PTBP3: variants seen among roughly 807,000 people sequenced by gnomAD.
PTBP3 encodes the protein polypyrimidine tract-binding protein 3.
Under a neutral mutation model 58.7 loss-of-function variants are expected in PTBP3, and 20 were observed. The observed-to-expected ratio is 0.34, with a 90% CI of 0.24 to 0.50. The LOEUF is 0.50. Ranked by LOEUF, PTBP3 falls within the 20% of genes least tolerant of loss-of-function variation. The probability of loss-of-function intolerance (pLI) is 0.98; values close to 1 mark genes in which losing one functional copy is unlikely to be tolerated. For synonymous variants in PTBP3, 185 were observed against 219.8 expected, an observed-to-expected ratio of 0.84 and a Z score of 1.40; for missense variants, 509 against 637.2, an observed-to-expected ratio of 0.80 and a Z score of 2.17.
chr9:112,319,149 G>GA (rs1829822770), intron 1 of PTBP3, among the ~76,000 whole-genome samples: 1 of 132,668 alleles, frequency 7.5e-6, no homozygotes, highest in Admixed American at 7.5e-5. Context: ...AAAAAAGAAA[G>GA]AAAATTTCAT....
At chr9:112,316,673 C>T (rs1051147942) in intron 1 of PTBP3, among the ~76,000 whole-genome samples, 1 of 152,228 alleles carries the variant, frequency 6.6e-6, no homozygotes, top group African/African-American at 2.4e-5. Flanking sequence ...GGCACAGTGG[C>T]TCACGCCTGT....
chr9:112,297,982 A>C, intron 1 of PTBP3, 66 bp from the exon 2 acceptor site: 1 of 1,279,746 alleles, frequency 7.8e-7, no homozygotes, highest in Non-Finnish European at 1.1e-6. Context: ...ATTTACTAAA[A>C]GTATTAAAAG....
intron 8 of PTBP3, among the ~76,000 whole-genome samples, chr9:112,234,444 G>T (rs1835366366): frequency 6.6e-6 from 1 of 152,176 alleles, no homozygotes; most frequent in Non-Finnish European, 1.5e-5. Flanking sequence ...AAGGCCCAAA[G>T]ATAAGACAGG....
rs148174994 is a variant in PTBP3 at position 112,285,028 on chromosome 9, A to G, written c.35-9015T>C. On this transcript the variant is annotated intron_variant, in intron 2 of 13. Transcript: ENST00000374257. ...TGATTGGTTTTGAAATGGAAAAAGG[A>G]TGTGAAATTTGGGAGGGGCCGGGGC... Among the ~76,000 whole-genome samples the G allele has an allele frequency of 3.1e-5, 3 of 95,440 alleles. No homozygotes were observed. The East Asian group carries it at 8.2e-4, about 26-fold the overall frequency. The allele number at this position is 95,440 out of a possible 152,430, so 62.6% of individuals were successfully genotyped here.
At chr9:112,249,208 G>C (rs1233581951) in intron 7 of PTBP3, among the ~76,000 whole-genome samples, 1 of 152,094 alleles carries the variant, frequency 6.6e-6, no homozygotes, top group Non-Finnish European at 1.5e-5. Context: ...GGGGGAAGGA[G>C]AGTGAACAAA....
rs1411646280 is a variant in PTBP3 at position 112,320,291 on chromosome 9, A to AAAAAAAATATATATATAT, written c.-52+13178_-52+13179insATATATATATATTTTTTT. Among the ~76,000 whole-genome samples the AAAAAAAATATATATATAT allele has an allele frequency of 4.6e-4, 34 of 73,524 alleles. 1 individual carries two copies. The highest frequency in any genetic ancestry group is 6.3e-4 in the African/African-American group (7 of 11,056). The allele number at this position is 73,524 out of a possible 152,430, so 48.2% of individuals were successfully genotyped here. A position where few individuals can be genotyped will look rare whatever the true frequency, so the allele number is the denominator to read the frequency against. ...AGACCCTTTCTCTTAAAAAAAAAAA[A>AAAAAAAATATATATATAT]ATATATATATATATATATATATATT... On this transcript the variant is annotated intron_variant, in intron 1 of 13. Transcript: ENST00000374257.
At chr9:112,248,405 T>TA (rs1463357297) in intron 7 of PTBP3, among the ~76,000 whole-genome samples, 1 of 151,976 alleles carries the variant, frequency 6.6e-6, no homozygotes, top group African/African-American at 2.4e-5. Context: ...GGGCGAGAGG[T>TA]AAAAGACTAC....
chr9:112,370,709 G>A, the PTBP3 span, among the ~76,000 whole-genome samples: 3 of 152,138 alleles, frequency 2.0e-5, no homozygotes, highest in Non-Finnish European at 2.9e-5. Flanking sequence ...TGAATTTGTA[G>A]ATTGCTTTGA....
intron 1 of PTBP3, among the ~76,000 whole-genome samples, chr9:112,312,280 C>T (rs1014553734): frequency 2.6e-5 from 4 of 151,862 alleles, no homozygotes; most frequent in African/African-American, 4.8e-5. Context: ...GCCACGAGTT[C>T]GAGACCAGGC....
rs986234811 is a variant in PTBP3 at position 112,278,015 on chromosome 9, A to G, written c.35-2002T>C. On this transcript the variant is annotated intron_variant, in intron 2 of 13. Transcript: ENST00000374257. ...TGTCATTATTCTGCTCCAAAAACCT[A>G]AACAGGCACCAAATACCTAAACAGG... Among the ~76,000 whole-genome samples, 7 of 152,132 alleles carry G rather than the reference A, an allele frequency of 4.6e-5. 1 individual carries two copies. The East Asian group carries it at 1.4e-3, about 29-fold the overall frequency.
intron 2 of PTBP3, among the ~76,000 whole-genome samples, chr9:112,284,775 C>T (rs1007619427): frequency 6.6e-6 from 1 of 152,128 alleles, no homozygotes; most frequent in Non-Finnish European, 1.5e-5. Flanking sequence ...GATTTTGAAC[C>T]TGCTTAGGAG....
intron 1 of PTBP3, among the ~76,000 whole-genome samples, chr9:112,326,765 C>A (rs7047847): frequency 3.9e-5 from 6 of 152,150 alleles, no homozygotes; most frequent in Non-Finnish European, 7.4e-5. Flanking sequence ...ATAAGCCAGC[C>A]AGTTAATAAT....
intron 8 of PTBP3, among the ~76,000 whole-genome samples, chr9:112,233,122 A>T (rs1589802476): frequency 6.6e-6 from 1 of 152,138 alleles, no homozygotes; most frequent in Middle Eastern, 3.4e-3. Context: ...TGCAGACCAC[A>T]TTCTCAGGCT....
rs764110556 is a variant in PTBP3 at position 112,223,995 on chromosome 9, A to G, written c.1443-12T>C. The G allele has an allele frequency of 7.5e-6, 12 of 1,608,938 alleles. No individual in the cohort carries two copies. The South Asian group carries it at 8.8e-5, about 12-fold the overall frequency. ...TTTTGCGATCTTTCCTGAAAATGGT[A>G]TAAGAAATACAGAAAGTATTTAGAA... On this transcript the variant is annotated splice_polypyrimidine_tract_variant and intron_variant, in intron 13 of 13. Transcript: ENST00000374257.
the PTBP3 span, among the ~76,000 whole-genome samples, chr9:112,346,572 T>C: frequency 5.9e-5 from 9 of 152,240 alleles, no homozygotes; most frequent in Non-Finnish European, 7.3e-5. Context: ...CATACCCATA[T>C]ACAATGAGCA....
chr9:112,314,915 T>C (rs1298838836), intron 1 of PTBP3, among the ~76,000 whole-genome samples: 1 of 150,606 alleles, frequency 6.6e-6, no homozygotes, highest in Admixed American at 6.6e-5. Context: ...CACTGCAAGC[T>C]CCGCCTCCCG....
At chr9:112,346,532 C>T in the PTBP3 span, among the ~76,000 whole-genome samples, 1 of 152,184 alleles carries the variant, frequency 6.6e-6, no homozygotes, top group Non-Finnish European at 1.5e-5. Context: ...AAGTTATTTT[C>T]TTCTTCATTC....
chr9:112,293,579 G>A (rs566047274), intron 2 of PTBP3, among the ~76,000 whole-genome samples: 53 of 152,160 alleles, frequency 3.5e-4, no homozygotes, highest in African/African-American at 1.2e-3. Flanking sequence ...CTTCACCCTC[G>A]CCCCCTTGAA....
chr9:112,374,949 C>G, the PTBP3 span, among the ~76,000 whole-genome samples: 1 of 152,194 alleles, frequency 6.6e-6, no homozygotes, highest in Non-Finnish European at 1.5e-5. Flanking sequence ...TTGGTCTCTG[C>G]TGCTGGCAAA....
Sources: gnomAD v4.1 joint callset for allele counts (sites outside exome capture counted in the v4.1 genomes callset) on GRCh38, gnomAD v4.1.1 for gene constraint, MANE v1.5 for transcripts, NCBI Gene and HGNC (gene_info 2026-07-23, HGNC 2026-07-21) for gene names.